UNC80: variants seen among roughly 807,000 people sequenced by gnomAD.
The protein encoded by UNC80 is protein unc-80 homolog.
UNC80 carries 164 observed loss-of-function variants against 384.6 expected under a neutral mutation model. The observed-to-expected ratio is 0.43, with a 90% CI of 0.38 to 0.49. The LOEUF (loss-of-function observed/expected upper bound fraction) is 0.49. Among genes scored for constraint, UNC80 ranks in the 20% least tolerant of loss-of-function variants. The pLI, the probability that UNC80 is intolerant of heterozygous loss-of-function variation, is 0.00. For synonymous variants in UNC80, 1,486 were observed against 1,527.8 expected, an observed-to-expected ratio of 0.97 and a Z score of 0.64; for missense variants, 3,330 against 4,143.0, an observed-to-expected ratio of 0.80 and a Z score of 5.39.
chr2:209,923,926 G>T (rs1012307503), intron 35 of UNC80, among the ~76,000 whole-genome samples: 2 of 152,088 alleles, frequency 1.3e-5, no homozygotes, highest in African/African-American at 4.8e-5. Context: ...GATAAGGTAA[G>T]ATATGTGCCT....
chr2:209,834,864 C>T, intron 17 of UNC80, 48 bp from the exon 18 acceptor site: 5 of 1,457,686 alleles, frequency 3.4e-6, no homozygotes, highest in South Asian at 1.2e-5. Context: ...AGTATTAAGA[C>T]TTGCTATCCT....
intron 38 of UNC80, 88 bp from the exon 39 acceptor site, chr2:209,933,734 C>T (rs1033280967): frequency 1.4e-4 from 172 of 1,192,098 alleles, no homozygotes; most frequent in Admixed American, 1.2e-3. Flanking sequence ...AGAAGAAGGT[C>T]GAGTTTAAAA....
At position 209,775,906 on chromosome 2, in the gene UNC80, G is replaced by A. The variant is rs774257370; in HGVS notation, c.159G>A (p.Leu53=). 8 of 1,613,860 alleles carry A rather than the reference G, an allele frequency of 5.0e-6. No homozygotes were observed. Among genetic ancestry groups the A allele is most frequent in the Non-Finnish European group, 6.8e-6 (8 of 1,179,938 alleles). The part of the protein sequence containing the change: ...EASCVSFERV[L]VENKLHGLSP... ...ATTTACAGTCCTTTGAGCGAGTGTTGGTAGAAAACAAGCTGCATGGCCTCT... is the reference window on the plus strand; with the variant it reads ...ATTTACAGTCCTTTGAGCGAGTGTTAGTAGAAAACAAGCTGCATGGCCTCT... Residue 53 remains leucine (L), a synonymous_variant, in exon 3 of 65, where the codon TTG becomes TTA. Transcript: ENST00000673920.
At chr2:209,926,800 T>C (rs2090470414) in intron 35 of UNC80, 43 bp from the exon 36 acceptor site, 1 of 1,548,718 alleles carries the variant, frequency 6.5e-7, no homozygotes, top group Non-Finnish European at 8.7e-7. Flanking sequence ...AACAAAGAAT[T>C]ACGTTACTGA....
chr2:209,911,875 T>C (rs1370847727), intron 29 of UNC80, among the ~76,000 whole-genome samples: 1 of 152,166 alleles, frequency 6.6e-6, no homozygotes, highest in Non-Finnish European at 1.5e-5. Flanking sequence ...GAGGAAGAAA[T>C]TGTCTTATTC....
chr2:209,994,397 C>T, intron 64 of UNC80, 133 bp downstream of exon 64: 3 of 742,556 alleles, frequency 4.0e-6, no homozygotes, highest in Non-Finnish European at 6.2e-6. Flanking sequence ...AGATACTGCT[C>T]CTGCCATCAT....
At chr2:209,912,449 A>T in intron 29 of UNC80, 111 bp from the exon 30 acceptor site, 1 of 570,032 alleles carries the variant, frequency 1.8e-6, no homozygotes, top group Non-Finnish European at 2.9e-6. Flanking sequence ...AAAGGCCTTT[A>T]ATTATCGCTT....
intron 38 of UNC80, among the ~76,000 whole-genome samples, chr2:209,932,445 GAA>G (rs1292812522): frequency 6.6e-6 from 1 of 152,146 alleles, no homozygotes; most frequent in Non-Finnish European, 1.5e-5. Context: ...GGCTGGTGTG[GAA>G]AGAGCCCAAA....
intron 4 of UNC80, among the ~76,000 whole-genome samples, chr2:209,780,155 G>T (rs1201440333): frequency 6.6e-6 from 1 of 152,198 alleles, no homozygotes; most frequent in Non-Finnish European, 1.5e-5. Context: ...AAAGGAGCAA[G>T]ATCTCCCTTC....
At chr2:209,830,215 G>A (rs2080854077) in intron 15 of UNC80, among the ~76,000 whole-genome samples, 3 of 152,162 alleles carry the variant, frequency 2.0e-5, no homozygotes, top group Admixed American at 6.5e-5. Context: ...AGATTTAGAA[G>A]CAGTTTTCCT....
intron 7 of UNC80, chr2:209,794,853 C>G (rs1461141287): frequency 2.2e-6 from 1 of 447,358 alleles, no homozygotes; most frequent in South Asian, 1.6e-5. Flanking sequence ...GGAACTGTAA[C>G]TCCAATTAAA....
chr2:209,779,444 C>G lies in UNC80; in HGVS notation c.600+1885C>G, dbSNP rs572638580. On this transcript the variant is annotated intron_variant, in intron 4 of 64. Transcript: ENST00000673920. ...ATGGCAACACTTCAGAAAGTACTTC[C>G]CTGGCTACTCTCGAGCAACTAGCAT... Among the ~76,000 whole-genome samples the G allele has an allele frequency of 3.9e-5, 6 of 152,224 alleles. No homozygotes were observed. The South Asian group carries it at 1.2e-3, about 32-fold the overall frequency.
chr2:209,773,269 T>G (rs891252521), intron 2 of UNC80, 127 bp downstream of exon 2: 11 of 797,474 alleles, frequency 1.4e-5, no homozygotes, highest in Non-Finnish European at 2.3e-5. Flanking sequence ...GATCACCCAC[T>G]CTGTGCCAGG....
intron 51 of UNC80, among the ~76,000 whole-genome samples, chr2:209,963,037 T>C (rs2092642148): frequency 6.6e-6 from 1 of 152,258 alleles, no homozygotes; most frequent in Non-Finnish European, 1.5e-5. Flanking sequence ...TTAAGAAACA[T>C]TGCTAAGGCA....
At chr2:209,937,748 T>A in intron 42 of UNC80, 118 bp downstream of exon 42, 1 of 717,980 alleles carries the variant, frequency 1.4e-6, no homozygotes, top group Non-Finnish European at 2.4e-6. Context: ...CTGGAGACAG[T>A]AGTTGGCCCT....
At chr2:209,816,842 C>T (rs1477065936) in intron 9 of UNC80, 67 bp from the exon 10 acceptor site, 1 of 1,432,304 alleles carries the variant, frequency 7.0e-7, no homozygotes, top group Non-Finnish European at 9.6e-7. Flanking sequence ...ATCATGGAGC[C>T]CCTTGGGAAG....
chr2:209,871,331 C>T (rs1332686684), intron 22 of UNC80, among the ~76,000 whole-genome samples: 2 of 152,040 alleles, frequency 1.3e-5, no homozygotes, highest in Non-Finnish European at 2.9e-5. Flanking sequence ...CTATATTCAC[C>T]CCTTTCATGC....
chr2:209,976,250 G>C lies in UNC80; in HGVS notation c.8719G>C (p.Val2907Leu). Residue 2907 changes from valine (V) to leucine (L), a missense_variant, in exon 57 of 65, where the codon GTG becomes CTG. Physicochemically the swap from Val to Leu is conservative, Grantham distance 32. This residue lies in a region of UNC80 where 1,049 missense variants were observed against 1,488.6 expected (regional missense o/e 0.70). Transcript: ENST00000673920. This position sits in a 1 kb window ranked among gnomAD's most constrained non-coding sequence, Gnocchi z 4.3. ...LALWDFLDFI[V>L]RTRIPIFVLL... ...CCTTTGGGATTTCCTCGACTTCATC[G>C]TGCGGACCCGAATACCCATCTTTGT... is the stretch of plus-strand genomic sequence containing the variant. 6.4e-7 allele frequency: 1 copy of C among 1,551,704 alleles called. No individual in the cohort carries two copies. Among genetic ancestry groups the C allele is most frequent in the Non-Finnish European group, 8.7e-7 (1 of 1,147,004 alleles).
chr2:209,843,480 G>C (rs1377281066), intron 21 of UNC80, among the ~76,000 whole-genome samples: 1 of 151,948 alleles, frequency 6.6e-6, no homozygotes. Flanking sequence ...ACTCCCCCAG[G>C]AAGGAAATTA....
Sources: gnomAD v4.1 joint callset for allele counts (sites outside exome capture counted in the v4.1 genomes callset) on GRCh38, gnomAD v4.1.1 for gene constraint, gnomAD v4.1.1 regional missense constraint, Gnocchi (gnomAD v3.1) non-coding constraint, MANE v1.5 for transcripts, NCBI Gene and HGNC (gene_info 2026-07-23, HGNC 2026-07-21) for gene names.